EPB41L1: variants seen among roughly 807,000 people sequenced by gnomAD.
EPB41L1 encodes erythrocyte membrane protein band 4.1 like 1.
In EPB41L1, 29 loss-of-function variants were observed where a neutral mutation model predicts 97.8. The observed-to-expected ratio is 0.30, with a 90% confidence interval of 0.22 to 0.40. The LOEUF (loss-of-function observed/expected upper bound fraction) is 0.40. EPB41L1 is among the 10% of genes least tolerant of loss of function. The pLI is 1.00. For synonymous variants in EPB41L1, 383 were observed against 459.2 expected (o/e 0.83, Z 2.12); for missense variants, 812 against 1,162.3 (o/e 0.70, Z 4.38).
rs951573698 is a variant in EPB41L1, at chr20:36,172,842, C to T, written c.-14-922C>T. Among the ~76,000 whole-genome samples, 9 of 152,160 alleles carry T rather than the reference C, an allele frequency of 5.9e-5. No individual in the cohort carries two copies. The East Asian group carries it at 1.3e-3, about 23-fold the overall frequency. ...CTTGAACTGCCGAACTTAGGTGATC[C>T]GCCCTCCCTGGCCTCCCAAAGTGCT... On this transcript the variant is annotated intron_variant, in intron 1 of 21. Coordinates refer to ENST00000338074, the MANE Select transcript of EPB41L1 (RefSeq NM_012156.2).
chr20:36,153,446 C>T (rs1428365329), upstream of EPB41L1, among the ~76,000 whole-genome samples: 2 of 152,078 alleles, frequency 1.3e-5, no homozygotes, highest in African/African-American at 2.4e-5. Context: ...GCAGTGGATT[C>T]TGTGGTAAGA....
chr20:36,218,993 G>A, intron 18 of EPB41L1, 31 bp downstream of exon 18: 1 of 1,606,036 alleles, frequency 6.2e-7, no homozygotes, highest in Non-Finnish European at 8.5e-7. Flanking sequence ...CAGGCTAGGG[G>A]ACTCCACACT....
intron 1 of EPB41L1, among the ~76,000 whole-genome samples, chr20:36,111,773 C>T (rs1436862269): frequency 1.3e-4 from 17 of 131,046 alleles, no homozygotes; most frequent in African/African-American, 4.2e-4. Context: ...GGCGACAGAG[C>T]GAGACTCTGT....
chr20:36,190,442 G>A lies in EPB41L1; in HGVS notation c.1124+68G>A. 1.3e-6 allele frequency: 2 copies of A among 1,567,404 alleles called. No individual in the cohort carries two copies. Among genetic ancestry groups the A allele is most frequent in the Non-Finnish European group, 8.7e-7 (1 of 1,144,944 alleles). Reference sequence around the variant, plus strand: ...CCATGTGTATGGAGGGGAGCAGGGGGAGGAGTTAGTGAGAACTCTAGGAAA... The same window carrying A: ...CCATGTGTATGGAGGGGAGCAGGGGAAGGAGTTAGTGAGAACTCTAGGAAA... On this transcript the variant is annotated intron_variant, in intron 10 of 21. Transcript: ENST00000338074. The surrounding 1 kb of genome is among the most constrained non-coding windows in gnomAD (Gnocchi z 5.8).
chr20:36,186,172 T>G (rs2061676437), intron 7 of EPB41L1, among the ~76,000 whole-genome samples: 1 of 152,186 alleles, frequency 6.6e-6, no homozygotes, highest in Admixed American at 6.5e-5. Context: ...ATACTCCCCT[T>G]TGCCATTGCT....
intron 14 of EPB41L1, among the ~76,000 whole-genome samples, chr20:36,204,565 A>C (rs1367822506): frequency 6.9e-6 from 1 of 145,146 alleles, no homozygotes; most frequent in Admixed American, 7.0e-5. Flanking sequence ...GCTCACCGCA[A>C]CCTCTGCCCC....
intron 14 of EPB41L1, chr20:36,200,833 C>T (rs2062455375): frequency 8.8e-6 from 4 of 454,184 alleles, no homozygotes; most frequent in Non-Finnish European, 1.8e-5. Flanking sequence ...TTCCCTTCCT[C>T]CCTCTTTCCC....
intron 1 of EPB41L1, 33 bp from the exon 2 acceptor site, chr20:36,173,731 C>T: frequency 1.2e-6 from 2 of 1,604,194 alleles, no homozygotes; most frequent in Non-Finnish European, 1.7e-6. Flanking sequence ...TGCTGTCCCT[C>T]CCTGTCACAT....
At chr20:36,094,865 G>C (rs140054519) in intron 1 of EPB41L1, among the ~76,000 whole-genome samples, 1 of 151,812 alleles carries the variant, frequency 6.6e-6, no homozygotes, top group Non-Finnish European at 1.5e-5. Context: ...GCAGTGTCAC[G>C]ATCTCAGCTC....
Position 36,206,643 on chromosome 20 carries a change from CAT to C in EPB41L1, c.1669-2844_1669-2843del. ...CCAGCAGGAGCAAGGACGAAGCCCA[CAT>C]GACTTCCCCAAAGGAAGGGGCAGGG... On this transcript the variant is annotated intron_variant, in intron 14 of 21. Coordinates refer to ENST00000338074, the MANE Select transcript of EPB41L1 (RefSeq NM_012156.2). This position sits in a 1 kb window ranked among gnomAD's most constrained non-coding sequence, Gnocchi z 5.5. 1 of 1,289,818 alleles carries C rather than the reference CAT, an allele frequency of 7.8e-7. No homozygotes were observed. The highest frequency in any genetic ancestry group is 1.0e-6 in the Non-Finnish European group (1 of 988,870). The allele number at this position is 1,289,818 out of a possible 1,614,324, so 79.9% of individuals were successfully genotyped here.
chr20:36,214,317 C>T (rs1268185826), intron 16 of EPB41L1, 40 bp from the exon 17 acceptor site: 16 of 1,550,408 alleles, frequency 1.0e-5, no homozygotes, highest in Non-Finnish European at 1.4e-5. Context: ...TGCAGGTATA[C>T]CCAGCTCTCC....
In EPB41L1 at chr20:36,207,944, G is replaced by T. The variant is rs1323644878; in HGVS notation, c.1669-1544G>T. 6.6e-6 allele frequency among the ~76,000 whole-genome samples: 1 copy of T among 152,246 alleles called. No homozygotes were observed. Among genetic ancestry groups the T allele is most frequent in the African/African-American group, 2.4e-5 (1 of 41,462 alleles). ...GAGTTTTTTCCCTAAACGGGCCTGG[G>T]TGTAGCTCAGGCTGAATGATGGGCT... is the stretch of plus-strand genomic sequence containing the variant. On this transcript the variant is annotated intron_variant, in intron 14 of 21. Transcript: ENST00000338074. This position sits in a 1 kb window ranked among gnomAD's most constrained non-coding sequence, Gnocchi z 4.9.
Position 36,143,378 on chromosome 20 carries a change from G to A in EPB41L1, c.-10+30898G>A, listed in dbSNP as rs1019477304. On this transcript the variant is annotated intron_variant, in intron 2 of 19. Coordinates refer to the EPB41L1 transcript ENST00000202028. ...CCTGCTGAAAAAGGGCAGAGAGAGT[G>A]GAATGGAGAGGGTGACTTCAGAGGC... Among the ~76,000 whole-genome samples, 6 of 152,028 alleles carry A rather than the reference G, an allele frequency of 3.9e-5. No homozygotes were observed. The East Asian group carries it at 1.2e-3, about 29-fold the overall frequency.
intron 1 of EPB41L1, among the ~76,000 whole-genome samples, chr20:36,157,861 G>C (rs937392185): frequency 6.6e-6 from 1 of 152,240 alleles, no homozygotes; most frequent in African/African-American, 2.4e-5. Flanking sequence ...AGGAGGCCCT[G>C]TGGGCAGGGA....
intron 14 of EPB41L1, among the ~76,000 whole-genome samples, chr20:36,205,509 T>C (rs988903501): frequency 2.0e-5 from 3 of 152,198 alleles, no homozygotes; most frequent in Admixed American, 6.5e-5. Flanking sequence ...AGTTATGTTA[T>C]TAAAAGAGGA....
chr20:36,229,630 A>T lies in EPB41L1; in HGVS notation c.*290A>T. ...ATTTCCTTTGCAGACAAATTGAAGA[A>T]CTGGTGGGATTTTTTTCAAGAAAAA... On this transcript the variant is annotated 3_prime_UTR_variant, in exon 22 of 22. Transcript: ENST00000338074. 1 of 312,488 alleles carries T rather than the reference A, an allele frequency of 3.2e-6. No individual in the cohort carries two copies. The highest frequency in any genetic ancestry group is 5.2e-5 in the East Asian group (1 of 19,320). The allele number at this position is 312,488 out of a possible 1,614,324, so 19.4% of individuals were successfully genotyped here.
intron 21 of EPB41L1, among the ~76,000 whole-genome samples, chr20:36,228,752 G>A (rs758830723): frequency 6.6e-6 from 1 of 152,122 alleles, no homozygotes; most frequent in Non-Finnish European, 1.5e-5. Context: ...AAACACTGCT[G>A]TCTGTGGTTT....
intron 6 of EPB41L1, 86 bp downstream of exon 6, chr20:36,182,433 G>A: frequency 6.9e-7 from 1 of 1,453,738 alleles, no homozygotes; most frequent in Non-Finnish European, 9.6e-7. Flanking sequence ...CAGGCAGTAT[G>A]TGACAGCAGC....
intron 2 of EPB41L1, among the ~76,000 whole-genome samples, chr20:36,112,655 C>T (rs1351476242): frequency 6.6e-6 from 1 of 152,196 alleles, no homozygotes; most frequent in Non-Finnish European, 1.5e-5. Flanking sequence ...TGGGGACCCT[C>T]CCTGGTTTTG....
Sources: gnomAD v4.1 joint callset for allele counts (sites outside exome capture counted in the v4.1 genomes callset) on GRCh38, gnomAD v4.1.1 for gene constraint, Gnocchi (gnomAD v3.1) non-coding constraint, MANE v1.5 for transcripts, NCBI Gene and HGNC (gene_info 2026-07-23, HGNC 2026-07-21) for gene names.